Variants in ARID1B observed in about 807,000 individuals in gnomAD.
ARID1B encodes AT-rich interactive domain-containing protein 1B.
Under a neutral mutation model 212.3 loss-of-function variants are expected in ARID1B, and 30 were observed. The ratio of observed to expected loss-of-function variants is 0.14; its 90% confidence interval spans 0.11 to 0.19. ARID1B has a LOEUF of 0.19. Ranked by LOEUF, ARID1B falls within the 10% of genes least tolerant of loss-of-function variation. ARID1B has a pLI of 1.00. For missense variants in ARID1B, 2,891 were observed against 3,204.0 expected, an observed-to-expected ratio of 0.90 and a Z score of 2.36; for synonymous variants, 1,402 against 1,301.7, an observed-to-expected ratio of 1.08 and a Z score of -1.66.
intron 4 of ARID1B, among the ~76,000 whole-genome samples, chr6:157,010,278 G>GTTTTTTTTTTTTTTTTTTTTTTT (rs367851681): frequency 2.0e-5 from 2 of 102,246 alleles, no homozygotes; most frequent in African/African-American, 7.9e-5. Context: ...TGCATTGCCT[G>GTTTTTTTTTTTTTTTTTTTTTTT]TTTTTTTTTT....
chr6:157,140,292 A>G (rs1789249696), intron 7 of ARID1B, among the ~76,000 whole-genome samples: 1 of 152,034 alleles, frequency 6.6e-6, no homozygotes, highest in African/African-American at 2.4e-5. Context: ...CAACACAGTG[A>G]AACCCCATCT....
At chr6:156,909,447 A>G (rs997934853) in intron 3 of ARID1B, among the ~76,000 whole-genome samples, 1 of 152,162 alleles carries the variant, frequency 6.6e-6, no homozygotes, top group Non-Finnish European at 1.5e-5. Context: ...ATATAACAGC[A>G]GCTCTGTTAC....
intron 4 of ARID1B, among the ~76,000 whole-genome samples, chr6:157,020,855 TC>T (rs1394080149): frequency 6.6e-6 from 1 of 152,114 alleles, no homozygotes; most frequent in Non-Finnish European, 1.5e-5. Context: ...TCTACTTGAG[TC>T]CTTAATTTTC....
At chr6:156,779,544 T>A in intron 1 of ARID1B, 73 bp downstream of exon 1, 1 of 1,185,068 alleles carries the variant, frequency 8.4e-7, no homozygotes, top group South Asian at 3.1e-5. Flanking sequence ...TTTCTTTCTT[T>A]GCCGCGTACT....
intron 4 of ARID1B, among the ~76,000 whole-genome samples, chr6:157,039,318 A>ATTTTTTTTTTTTTTTTTTTTTTTTTTT (rs1215591720): frequency 3.5e-5 from 4 of 112,828 alleles, no homozygotes; most frequent in Admixed American, 8.8e-5. Context: ...GAAATTTGAC[A>ATTTTTTTTTTTTTTTTTTTTTTTTTTT]TTTCTTTTTT....
chr6:156,855,978 C>T (rs1784901547), intron 2 of ARID1B, among the ~76,000 whole-genome samples: 1 of 152,100 alleles, frequency 6.6e-6, no homozygotes, highest in Admixed American at 6.6e-5. Flanking sequence ...GTTATGTAGC[C>T]TACAATTTTC....
intron 4 of ARID1B, among the ~76,000 whole-genome samples, chr6:157,069,901 G>A (rs948818105): frequency 1.3e-5 from 2 of 152,152 alleles, no homozygotes; most frequent in Admixed American, 1.3e-4. Flanking sequence ...TAGCCTATAC[G>A]AATAACGTTT....
intron 6 of ARID1B, among the ~76,000 whole-genome samples, chr6:157,123,835 A>C (rs1787945295): frequency 2.6e-5 from 4 of 152,382 alleles, no homozygotes. Context: ...AGGTAGGCTC[A>C]GTTGTCATCC....
intron 4 of ARID1B, among the ~76,000 whole-genome samples, chr6:157,032,130 G>A (rs988396514): frequency 6.6e-6 from 1 of 152,224 alleles, no homozygotes; most frequent in Non-Finnish European, 1.5e-5. Flanking sequence ...CTGCAGTGAG[G>A]AAGACATTTT....
intron 2 of ARID1B, among the ~76,000 whole-genome samples, chr6:156,879,243 T>C (rs1786847501): frequency 6.6e-6 from 1 of 152,264 alleles, no homozygotes; most frequent in African/African-American, 2.4e-5. Flanking sequence ...TTGTTCTGTC[T>C]ACTTGTGTTG....
intron 19 of ARID1B, 115 bp downstream of exon 19, chr6:157,204,111 A>C (rs1189208409): frequency 7.5e-7 from 1 of 1,332,528 alleles, no homozygotes; most frequent in Admixed American, 1.8e-5. Flanking sequence ...CAACACTGTT[A>C]ATCACTGCAG....
chr6:156,803,900 C>G (rs117473838), intron 1 of ARID1B, among the ~76,000 whole-genome samples: 1 of 152,026 alleles, frequency 6.6e-6, no homozygotes, highest in African/African-American at 2.4e-5. Context: ...TACGTGGTTG[C>G]TAAGAGAGCT....
intron 4 of ARID1B, among the ~76,000 whole-genome samples, chr6:157,063,570 G>A (rs1783488392): frequency 1.3e-5 from 2 of 152,166 alleles, no homozygotes; most frequent in South Asian, 4.1e-4. Context: ...TAAGAATTGA[G>A]TGTGGAAGAA....
chr6:156,880,775 G>GAAAAAAGAAAAAA (rs66501584), intron 2 of ARID1B, among the ~76,000 whole-genome samples: 9 of 114,376 alleles, frequency 7.9e-5, no homozygotes, highest in African/African-American at 3.3e-4. Flanking sequence ...GAAAAGAAAA[G>GAAAAAAGAAAAAA]AAAAACACAC....
At chr6:157,070,248 C>A (rs1219991108) in intron 4 of ARID1B, among the ~76,000 whole-genome samples, 7 of 149,578 alleles carry the variant, frequency 4.7e-5, no homozygotes, top group African/African-American at 1.7e-4. Flanking sequence ...AAATATATTT[C>A]TCTTATTGCT....
chr6:157,034,615 A>G (rs143766286), intron 4 of ARID1B, among the ~76,000 whole-genome samples: 1 of 152,352 alleles, frequency 6.6e-6, no homozygotes, highest in Non-Finnish European at 1.5e-5. Context: ...ACTACCTGGA[A>G]ATTAAGTGTG....
chr6:157,011,161 TAA>T (rs1166291622), intron 4 of ARID1B, among the ~76,000 whole-genome samples: 4 of 152,254 alleles, frequency 2.6e-5, no homozygotes, highest in African/African-American at 4.8e-5. Context: ...GCAGGTATGA[TAA>T]ACTCTTGGTG....
rs367797338 is a variant in ARID1B at position 156,975,613 on chromosome 6, CT to C, written c.2247+40054del. On this transcript the variant is annotated intron_variant, in intron 4 of 19. Coordinates refer to ENST00000636930, the MANE Select transcript of ARID1B (RefSeq NM_001374828.1). Reference sequence around the variant, plus strand: ...TTTAGTTTGACTGTATTTTTTTTTTCTTTTTTTTTTTTTTTTTCAGTTCCTT... The same window carrying C: ...TTTAGTTTGACTGTATTTTTTTTTTCTTTTTTTTTTTTTTTTCAGTTCCTT... Among the ~76,000 whole-genome samples, 770 of 110,836 alleles carry C rather than the reference CT, an allele frequency of 6.9e-3. 5 individuals carry two copies. Among genetic ancestry groups the C allele is most frequent in the African/African-American group, 0.023 (660 of 29,016 alleles). The allele number at this position is 110,836 out of a possible 152,430, so 72.7% of individuals were successfully genotyped here. A position where few individuals can be genotyped will look rare whatever the true frequency, so the allele number is the denominator to read the frequency against.
intron 4 of ARID1B, among the ~76,000 whole-genome samples, chr6:156,956,860 T>G (rs1198381817): frequency 6.6e-6 from 1 of 152,148 alleles, no homozygotes; most frequent in African/African-American, 2.4e-5. Flanking sequence ...AGAAGGAATT[T>G]TGCGTTTTAG....
Sources: allele counts gnomAD v4.1 joint callset (sites outside exome capture counted in the v4.1 genomes callset), GRCh38; gene constraint gnomAD v4.1.1; transcripts MANE v1.5; gene names NCBI Gene and HGNC (gene_info 2026-07-23, HGNC 2026-07-21).